The following ESRRB variants were observed in gnomAD, a reference collection of about 807,000 sequenced individuals.
The protein encoded by ESRRB is estrogen related receptor beta.
In ESRRB, 16 loss-of-function variants were observed where a neutral mutation model predicts 46.0. The ratio of observed to expected loss-of-function variants is 0.35; its 90% CI spans 0.24 to 0.53. ESRRB has a LOEUF of 0.53. Among genes scored for constraint, ESRRB ranks in the 20% least tolerant of loss-of-function variants. ESRRB has a pLI of 0.93. For missense variants in ESRRB, 488 were observed against 607.4 expected, an observed-to-expected ratio of 0.80 and a Z score of 2.07; for synonymous variants, 246 against 259.6, an observed-to-expected ratio of 0.95 and a Z score of 0.50.
At chr14:76,334,338 C>T (rs1242429290) in intron 1 of ESRRB, among the ~76,000 whole-genome samples, 12 of 152,046 alleles carry the variant, frequency 7.9e-5, no homozygotes, top group Admixed American at 3.3e-4. Context: ...CTCTAAGGGC[C>T]GAGACCTTGA....
intron 3 of ESRRB, among the ~76,000 whole-genome samples, chr14:76,474,478 C>T (rs149727693): frequency 2.6e-5 from 4 of 152,316 alleles, no homozygotes; most frequent in East Asian, 1.9e-4. Context: ...GCAAAATATA[C>T]GTCAAGTACA....
chr14:76,373,631 C>T (rs1010305681), upstream of ESRRB, among the ~76,000 whole-genome samples: 3 of 152,194 alleles, frequency 2.0e-5, no homozygotes, highest in African/African-American at 4.8e-5. Context: ...TAGGGTGTCC[C>T]GGCGGCTGGC....
At chr14:76,429,446 C>T (rs566259634) in intron 1 of ESRRB, among the ~76,000 whole-genome samples, 140 of 152,278 alleles carry the variant, frequency 9.2e-4, no homozygotes, top group Admixed American at 2.4e-3. Flanking sequence ...AAAACACCAT[C>T]TATTAATAAA....
intron 1 of ESRRB, among the ~76,000 whole-genome samples, chr14:76,421,217 G>A (rs1361820622): frequency 6.6e-6 from 1 of 152,158 alleles, no homozygotes; most frequent in African/African-American, 2.4e-5. Flanking sequence ...GCCCTGTCTG[G>A]AGTCACCCCT....
At chr14:76,325,811 C>T (rs948676860) in intron 1 of ESRRB, among the ~76,000 whole-genome samples, 8 of 152,202 alleles carry the variant, frequency 5.3e-5, no homozygotes, top group East Asian at 3.9e-4. Flanking sequence ...CATGAGGGCG[C>T]GCTGGCCCGC....
intron 1 of ESRRB, among the ~76,000 whole-genome samples, chr14:76,311,445 C>T (rs1274711174): frequency 1.3e-5 from 2 of 152,062 alleles, no homozygotes; most frequent in Non-Finnish European, 2.9e-5. Context: ...AGGGAGACTC[C>T]CCACAGTCCC....
At chr14:76,333,120 T>A (rs1221948619) in intron 1 of ESRRB, among the ~76,000 whole-genome samples, 1 of 6,194 alleles carries the variant, frequency 1.6e-4, no homozygotes, top group African/African-American at 5.9e-4. Flanking sequence ...TAATATATAA[T>A]ATATATATTA....
chr14:76,351,985 T>TA (rs1884318680), intron 1 of ESRRB, among the ~76,000 whole-genome samples: 1 of 72,988 alleles, frequency 1.4e-5, no homozygotes. Context: ...ACCCAGTCTC[T>TA]TAAAAAAAAA....
chr14:76,370,145 CT>C (rs1884585960), upstream of ESRRB, among the ~76,000 whole-genome samples: 1 of 151,436 alleles, frequency 6.6e-6, no homozygotes, highest in African/African-American at 2.4e-5. Flanking sequence ...AATCCCAGCA[CT>C]TTGGGAGGCT....
intron 1 of ESRRB, among the ~76,000 whole-genome samples, chr14:76,381,556 G>A (rs989106322): frequency 1.3e-5 from 2 of 152,156 alleles, no homozygotes; most frequent in African/African-American, 2.4e-5. Context: ...TTCTTCTCTC[G>A]TGTTCCTGGC....
At chr14:76,332,375 T>C (rs1884023528) in intron 1 of ESRRB, among the ~76,000 whole-genome samples, 1 of 142,718 alleles carries the variant, frequency 7.0e-6, no homozygotes, top group Admixed American at 7.8e-5. Flanking sequence ...CAAAGCTCAC[T>C]GCAGCCTCTA....
intron 1 of ESRRB, among the ~76,000 whole-genome samples, chr14:76,332,501 A>G (rs1445664620): frequency 2.9e-5 from 3 of 104,256 alleles, no homozygotes; most frequent in Non-Finnish European, 5.4e-5. Flanking sequence ...ATATATTTAT[A>G]TATGTATTTG....
At chr14:76,378,228 A>G (rs1209365543) in intron 1 of ESRRB, among the ~76,000 whole-genome samples, 3 of 152,246 alleles carry the variant, frequency 2.0e-5, no homozygotes, top group African/African-American at 7.2e-5. Flanking sequence ...GTCAATAAAT[A>G]TGAAAATTCG....
chr14:76,372,586 C>T (rs1884651444), upstream of ESRRB, among the ~76,000 whole-genome samples: 1 of 152,110 alleles, frequency 6.6e-6, no homozygotes. Context: ...AATTCCAGCA[C>T]TTTGGGAGGC....
chr14:76,460,870 T>TG (rs11407792), intron 2 of ESRRB, among the ~76,000 whole-genome samples: 21,501 of 151,544 alleles, frequency 0.14, 2,456 homozygotes, highest in African/African-American at 0.33. Context: ...CCCAACTAAT[T>TG]TTTTTTTGTA....
At chr14:76,468,007 T>C (rs1889194492) in intron 3 of ESRRB, among the ~76,000 whole-genome samples, 1 of 152,182 alleles carries the variant, frequency 6.6e-6, no homozygotes, top group African/African-American at 2.4e-5. Flanking sequence ...CCATGCAATA[T>C]GCTCTCACTT....
At chr14:76,461,664 A>C (rs1468224016) in intron 2 of ESRRB, among the ~76,000 whole-genome samples, 1 of 152,008 alleles carries the variant, frequency 6.6e-6, no homozygotes, top group African/African-American at 2.4e-5. Context: ...ACATGCCACC[A>C]CACCTGGCTA....
At chr14:76,409,457 G>C (rs528625220) in intron 1 of ESRRB, among the ~76,000 whole-genome samples, 1 of 152,142 alleles carries the variant, frequency 6.6e-6, no homozygotes, top group African/African-American at 2.4e-5. Flanking sequence ...GAAGGATGCC[G>C]TGGCGACGGT....
At chr14:76,324,047 G>C (rs368746778) in intron 1 of ESRRB, among the ~76,000 whole-genome samples, 1 of 152,174 alleles carries the variant, frequency 6.6e-6, no homozygotes, top group Non-Finnish European at 1.5e-5. Context: ...AACTTAGGTC[G>C]GAGTCTCCAG....
Sources: allele counts gnomAD v4.1 joint callset (sites outside exome capture counted in the v4.1 genomes callset), GRCh38; gene constraint gnomAD v4.1.1; transcripts MANE v1.5; gene names NCBI Gene and HGNC (gene_info 2026-07-23, HGNC 2026-07-21).